SLC25A21: variants seen among roughly 807,000 people sequenced by gnomAD.
The protein encoded by SLC25A21 is mitochondrial 2-oxodicarboxylate carrier.
A neutral mutation model predicts 43.8 loss-of-function variants in SLC25A21; 47 were observed. That is an observed-to-expected ratio of 1.07 (90% CI 0.85 to 1.37). The LOEUF (loss-of-function observed/expected upper bound fraction) is 1.37. Ranked by LOEUF, SLC25A21 falls within the 40% of genes most tolerant of loss-of-function variation. The pLI is 0.00. For missense variants in SLC25A21, 352 were observed against 350.2 expected, an observed-to-expected ratio of 1.00 and a Z score of -0.04; for synonymous variants, 131 against 121.3, an observed-to-expected ratio of 1.08 and a Z score of -0.52.
At chr14:36,864,875 CA>C (rs1890168996) in intron 2 of SLC25A21, among the ~76,000 whole-genome samples, 1 of 152,074 alleles carries the variant, frequency 6.6e-6, no homozygotes, top group South Asian at 2.1e-4. Flanking sequence ...ATACCACGGG[CA>C]AATCATTAAC....
At chr14:37,161,875 A>ACGG (rs1963947065) in intron 1 of SLC25A21, among the ~76,000 whole-genome samples, 1 of 150,154 alleles carries the variant, frequency 6.7e-6, no homozygotes, top group Non-Finnish European at 1.5e-5. Flanking sequence ...AGGCAGGAGA[A>ACGG]CGGCGTGAAC....
intron 1 of SLC25A21, among the ~76,000 whole-genome samples, chr14:37,026,185 T>A (rs1961089641): frequency 6.6e-6 from 1 of 152,206 alleles, no homozygotes. Flanking sequence ...AAAGATTCTG[T>A]CACACCACCA....
At chr14:36,698,379 C>T (rs1219714418) in intron 7 of SLC25A21, among the ~76,000 whole-genome samples, 1 of 152,126 alleles carries the variant, frequency 6.6e-6, no homozygotes, top group Non-Finnish European at 1.5e-5. Flanking sequence ...GTGAATCTGA[C>T]AATTATGTGT....
At chr14:36,800,794 A>C (rs1887844216) in intron 3 of SLC25A21, among the ~76,000 whole-genome samples, 1 of 152,180 alleles carries the variant, frequency 6.6e-6, no homozygotes, top group African/African-American at 2.4e-5. Context: ...CAGTCTGATA[A>C]TTCCAAAATT....
At chr14:36,903,494 T>A (rs887353091) in intron 1 of SLC25A21, among the ~76,000 whole-genome samples, 1 of 151,564 alleles carries the variant, frequency 6.6e-6, no homozygotes, top group African/African-American at 2.4e-5. Flanking sequence ...ATACCTGTAA[T>A]CCCAGCTACT....
chr14:36,902,968 C>T (rs1273024747), intron 1 of SLC25A21, among the ~76,000 whole-genome samples: 1 of 152,044 alleles, frequency 6.6e-6, no homozygotes, highest in East Asian at 1.9e-4. Flanking sequence ...TTGGGCAAAA[C>T]AAACAAACAA....
At chr14:37,069,147 A>G (rs949287884) in intron 1 of SLC25A21, among the ~76,000 whole-genome samples, 1 of 152,064 alleles carries the variant, frequency 6.6e-6, no homozygotes, top group Non-Finnish European at 1.5e-5. Flanking sequence ...ACTGCACTCC[A>G]GCCTGAGCAA....
At position 37,043,943 on chromosome 14, in the gene SLC25A21, T is replaced by G. The variant is rs562476465; in HGVS notation, c.70+128338A>C. Among the ~76,000 whole-genome samples, 14 of 149,882 alleles carry G rather than the reference T, an allele frequency of 9.3e-5. No individual in the cohort carries two copies. In the South Asian group the frequency reaches 1.9e-3, roughly 20 times the overall value. On this transcript the variant is annotated intron_variant, in intron 1 of 9. Transcript: ENST00000331299. Reference sequence around the variant, plus strand: ...TTTGTTTGTTTTATGTTTTTTTGTTTTTTTTTTTTTTTTTGGTGGAGACAT... The same window carrying G: ...TTTGTTTGTTTTATGTTTTTTTGTTGTTTTTTTTTTTTTTGGTGGAGACAT...
intron 1 of SLC25A21, chr14:37,097,218 A>C (rs1215793224): frequency 6.6e-6 from 1 of 152,130 alleles, no homozygotes; most frequent in East Asian, 1.9e-4. Flanking sequence ...CTAACGCCTC[A>C]GCCACCTGAG....
intron 3 of SLC25A21, among the ~76,000 whole-genome samples, chr14:36,779,810 C>T (rs920375558): frequency 4.6e-5 from 7 of 151,512 alleles, no homozygotes; most frequent in African/African-American, 1.7e-4. Context: ...TTGATATACA[C>T]CCAGAAGTGG....
Position 36,789,144 on chromosome 14 carries a change from T to C in SLC25A21, c.203+24774A>G, listed in dbSNP as rs367577085. Among the ~76,000 whole-genome samples the C allele has an allele frequency of 9.8e-5, 15 of 152,344 alleles. No individual in the cohort carries two copies. In the East Asian group the frequency reaches 2.5e-3, roughly 25 times the overall value. Reference sequence around the variant, plus strand: ...TGGTAAAATACATACAAATATTAACTTGACGACAGAAATAAATAACTTTTC... The same window carrying C: ...TGGTAAAATACATACAAATATTAACCTGACGACAGAAATAAATAACTTTTC... On this transcript the variant is annotated intron_variant, in intron 3 of 9. Transcript: ENST00000331299.
chr14:36,789,563 A>G (rs1475064455), intron 3 of SLC25A21, among the ~76,000 whole-genome samples: 1 of 150,914 alleles, frequency 6.6e-6, no homozygotes, highest in African/African-American at 2.4e-5. Flanking sequence ...TTTTAGCACA[A>G]ACATGTTTGT....
At chr14:36,813,334 T>A (rs192121298) in intron 3 of SLC25A21, among the ~76,000 whole-genome samples, 1 of 151,754 alleles carries the variant, frequency 6.6e-6, no homozygotes, top group South Asian at 2.1e-4. Flanking sequence ...ATTTGATCAT[T>A]TAATAGATCA....
chr14:36,897,082 G>T (rs1891262561), intron 1 of SLC25A21, among the ~76,000 whole-genome samples: 1 of 152,134 alleles, frequency 6.6e-6, no homozygotes, highest in Non-Finnish European at 1.5e-5. Flanking sequence ...TAGAATGTTG[G>T]CCTGCCTTGC....
At chr14:36,847,917 A>AG (rs398024806) in intron 2 of SLC25A21, among the ~76,000 whole-genome samples, 1 of 151,788 alleles carries the variant, frequency 6.6e-6, no homozygotes, top group Non-Finnish European at 1.5e-5. Context: ...AGCGGTATGA[A>AG]GGCTGGGCTT....
At chr14:37,056,580 T>C (rs959277381) in intron 1 of SLC25A21, among the ~76,000 whole-genome samples, 10 of 151,874 alleles carry the variant, frequency 6.6e-5, no homozygotes, top group African/African-American at 2.4e-4. Flanking sequence ...CACATCTCCA[T>C]ATTGTACACA....
intron 1 of SLC25A21, among the ~76,000 whole-genome samples, chr14:36,942,534 A>G (rs1892588200): frequency 6.6e-6 from 1 of 152,232 alleles, no homozygotes; most frequent in Non-Finnish European, 1.5e-5. Flanking sequence ...AATGAAAAGT[A>G]TCTGGAGTAA....
At chr14:37,092,638 C>T (rs1256978516) in intron 1 of SLC25A21, among the ~76,000 whole-genome samples, 1 of 152,118 alleles carries the variant, frequency 6.6e-6, no homozygotes, top group East Asian at 1.9e-4. Flanking sequence ...GAAATCGTTC[C>T]TCTCTGGGAG....
At chr14:36,928,832 T>A (rs1254186469) in intron 1 of SLC25A21, among the ~76,000 whole-genome samples, 1 of 152,180 alleles carries the variant, frequency 6.6e-6, no homozygotes, top group Non-Finnish European at 1.5e-5. Context: ...ACAGTTTGCC[T>A]ACTTGTTTAA....
Sources: gnomAD v4.1 joint callset for allele counts (sites outside exome capture counted in the v4.1 genomes callset) on GRCh38, gnomAD v4.1.1 for gene constraint, MANE v1.5 for transcripts, NCBI Gene and HGNC (gene_info 2026-07-23, HGNC 2026-07-21) for gene names.